Variants in APEH observed in about 807,000 individuals in gnomAD.
APEH encodes the protein acylamino-acid-releasing enzyme.
In APEH, 75 loss-of-function variants were observed where a neutral mutation model predicts 102.7. That is an observed-to-expected ratio of 0.73 (90% CI 0.61 to 0.89). APEH has a LOEUF of 0.89. APEH is among the 40% of genes least tolerant of loss of function. The pLI is 0.00. For missense variants in APEH, 863 were observed against 941.2 expected (o/e 0.92, Z 1.09); for synonymous variants, 344 against 362.7 (o/e 0.95, Z 0.59).
chr3:49,683,900 A>G lies in APEH; in HGVS notation c.*558A>G. 1 of 1,424,232 alleles carries G rather than the reference A, an allele frequency of 7.0e-7. No individual in the cohort carries two copies. 88.2% of individuals were successfully genotyped at this position (1,424,232 alleles called of 1,614,324 possible). A position where few individuals can be genotyped will look rare whatever the true frequency, so the allele number is the denominator to read the frequency against. On this transcript the variant is annotated 3_prime_UTR_variant, in exon 22 of 22. Transcript: ENST00000296456. ...GGCTCAAGCCACCCGAGCCCTAGCA[A>G]GGAGTCACTGACACATTTCCTGGAA... is the stretch of plus-strand genomic sequence containing the variant.
chr3:49,680,227 G>A (rs970364223), intron 13 of APEH: 8 of 376,860 alleles, frequency 2.1e-5, no homozygotes, highest in Middle Eastern at 8.3e-4. Flanking sequence ...CACGCTCCCC[G>A]ACCCCCAACT....
rs771898040 is a variant in APEH at position 49,683,393 on chromosome 3, G to C, written c.*51G>C. ...TCAGCCTGTGCCACACTTCGCTCTT[G>C]AGGAGCTCAACGGTCTGGCAGGGCA... On this transcript the variant is annotated 3_prime_UTR_variant, in exon 22 of 22. Coordinates refer to ENST00000296456, the MANE Select transcript of APEH (RefSeq NM_001640.4). 6.6e-7 allele frequency: 1 copy of C among 1,516,686 alleles called. No individual in the cohort carries two copies. The highest frequency in any genetic ancestry group is 1.7e-5 in the Admixed American group (1 of 59,842). The allele number at this position is 1,516,686 out of a possible 1,614,324, so 94.0% of individuals were successfully genotyped here.
At chr3:49,674,217 G>T (rs2108112722), upstream of APEH, 2 of 736,976 alleles carry the variant, frequency 2.7e-6, no homozygotes, top group East Asian at 5.9e-5. Flanking sequence ...CCCAGGCCGG[G>T]TCCTCTCACC....
chr3:49,675,331 T>C (rs762032932), intron 3 of APEH, 22 bp downstream of exon 3: 1 of 1,612,832 alleles, frequency 6.2e-7, no homozygotes, highest in Non-Finnish European at 8.5e-7. Flanking sequence ...GGAGGAAGCT[T>C]GTGGGCAAGG....
At chr3:49,673,730 G>T (rs971977272), upstream of APEH, among the ~76,000 whole-genome samples, 8 of 152,152 alleles carry the variant, frequency 5.3e-5, no homozygotes, top group African/African-American at 1.7e-4. Context: ...GGACCCGAAG[G>T]AACCCTACAG....
Position 49,676,886 on chromosome 3 carries a change from G to T in APEH, c.878-17G>T. 2 of 1,614,234 alleles carry T rather than the reference G, an allele frequency of 1.2e-6. No homozygotes were observed. The highest frequency in any genetic ancestry group is 1.7e-6 in the Non-Finnish European group (2 of 1,180,044). ...CCCTGCCAGCCTGCGTGATGCTCAT[G>T]TTTCCATCTGGCCCAGAGCTCCTCT... is the stretch of plus-strand genomic sequence containing the variant. On this transcript the variant is annotated splice_polypyrimidine_tract_variant and intron_variant, in intron 9 of 21. Coordinates refer to ENST00000296456, the MANE Select transcript of APEH (RefSeq NM_001640.4).
chr3:49,680,495 AG>A (rs1292862087), intron 13 of APEH, 45 bp from the exon 14 acceptor site: 8 of 1,525,362 alleles, frequency 5.2e-6, no homozygotes, highest in African/African-American at 1.4e-5. Context: ...CAGGTAAGAA[AG>A]GTGATGGCTC....
At chr3:49,678,174 T>C (rs1019143619) in intron 11 of APEH, among the ~76,000 whole-genome samples, 1 of 152,192 alleles carries the variant, frequency 6.6e-6, no homozygotes, top group African/African-American at 2.4e-5. Context: ...TGGATCCTCC[T>C]GGACCATCTC....
intron 21 of APEH, 25 bp downstream of exon 21, chr3:49,683,171 C>A (rs769601632): frequency 6.2e-7 from 1 of 1,611,590 alleles, no homozygotes. Flanking sequence ...AAGGCCCTGG[C>A]AGCTGGTGGG....
Position 49,674,469 on chromosome 3 carries a change from C to T in APEH, c.13-20C>T. On this transcript the variant is annotated intron_variant, in intron 1 of 21. Coordinates refer to ENST00000296456, the MANE Select transcript of APEH (RefSeq NM_001640.4). ...CCTGCAGCCCGGGCCGGGCCTGACC[C>T]TGGTGTGTCCCCTGCGCAGGTGCTG... The T allele has an allele frequency of 1.3e-6, 2 of 1,569,740 alleles. No homozygotes were observed. Among genetic ancestry groups the T allele is most frequent in the Non-Finnish European group, 1.7e-6 (2 of 1,163,994 alleles).
Position 49,679,904 on chromosome 3 carries a change from A to G in APEH, c.1210+260A>G. Reference sequence around the variant, plus strand: ...CCATGTGTCCTGGCCCAGCCTCAGCACGGCCCCCACCTCTGCTCCTAAAAC... The same window carrying G: ...CCATGTGTCCTGGCCCAGCCTCAGCGCGGCCCCCACCTCTGCTCCTAAAAC... On this transcript the variant is annotated intron_variant, in intron 13 of 21. Transcript: ENST00000296456. This position sits in a 1 kb window ranked among gnomAD's most constrained non-coding sequence, Gnocchi z 4.3. The G allele has an allele frequency of 2.4e-6, 1 of 414,862 alleles. No individual in the cohort carries two copies. Among genetic ancestry groups the G allele is most frequent in the Non-Finnish European group, 4.5e-6 (1 of 220,266 alleles). The allele number at this position is 414,862 out of a possible 1,614,324, so 25.7% of individuals were successfully genotyped here. A position where few individuals can be genotyped will look rare whatever the true frequency, so the allele number is the denominator to read the frequency against.
intron 11 of APEH, among the ~76,000 whole-genome samples, chr3:49,678,651 C>T (rs572438735): frequency 1.2e-4 from 18 of 152,288 alleles, no homozygotes; most frequent in African/African-American, 4.1e-4. Context: ...TCTCTGGGTC[C>T]CAAGAGGCCT....
intron 6 of APEH, 49 bp from the exon 7 acceptor site, chr3:49,676,329 A>C: frequency 6.2e-7 from 1 of 1,613,206 alleles, no homozygotes; most frequent in Non-Finnish European, 8.5e-7. Context: ...TTTAGGAAGC[A>C]GAGCAGGTCC....
chr3:49,683,477 T>C lies in APEH; in HGVS notation c.*135T>C. ...TGCGTGGGCAGAGGAATGTGGGCTA[T>C]GTAGTCATAATAAATTAGGACACAG... is the stretch of plus-strand genomic sequence containing the variant. On this transcript the variant is annotated 3_prime_UTR_variant, in exon 22 of 22. Coordinates refer to ENST00000296456, the MANE Select transcript of APEH (RefSeq NM_001640.4). 1.4e-6 allele frequency: 1 copy of C among 735,244 alleles called. No individual in the cohort carries two copies. Among genetic ancestry groups the C allele is most frequent in the Non-Finnish European group, 2.3e-6 (1 of 433,390 alleles). The allele number at this position is 735,244 out of a possible 1,614,324, so 45.5% of individuals were successfully genotyped here.
At position 49,683,037 on chromosome 3, in the gene APEH, C is replaced by G; in HGVS notation, c.1987-3C>G. On this transcript the variant is annotated splice_region_variant and splice_polypyrimidine_tract_variant and intron_variant, in intron 20 of 21. Transcript: ENST00000296456. Reference sequence around the variant, plus strand: ...AGCTCCCCACTCTTCCCCAAACACCCAGGTGAAGACACCACTGTTACTGAT... The same window carrying G: ...AGCTCCCCACTCTTCCCCAAACACCGAGGTGAAGACACCACTGTTACTGAT... The G allele has an allele frequency of 4.3e-6, 7 of 1,613,644 alleles. No homozygotes were observed. Among genetic ancestry groups the G allele is most frequent in the Non-Finnish European group, 5.9e-6 (7 of 1,179,730 alleles).
At chr3:49,675,868 G>A (rs775074740) in intron 4 of APEH, 23 bp from the exon 5 acceptor site, 16 of 1,613,952 alleles carry the variant, frequency 9.9e-6, no homozygotes, top group Non-Finnish European at 1.2e-5. Context: ...CGGGCAAACA[G>A]CCTAATGCCC....
In APEH at chr3:49,683,970, G is replaced by A. The variant is rs1365600319; in HGVS notation, c.*628G>A. 35 of 1,582,774 alleles carry A rather than the reference G, an allele frequency of 2.2e-5. No individual in the cohort carries two copies. Among genetic ancestry groups the A allele is most frequent in the South Asian group, 1.3e-4 (11 of 85,864 alleles). On this transcript the variant is annotated 3_prime_UTR_variant, in exon 22 of 22. Transcript: ENST00000296456. ...TGTACAGGCATAAAGAGGAAACATG[G>A]CTTTATGTCTGACAAGAAGTTTTGT...
At chr3:49,681,046 G>A in intron 14 of APEH, 55 bp from the exon 15 acceptor site, 4 of 1,517,980 alleles carry the variant, frequency 2.6e-6, no homozygotes, top group Middle Eastern at 1.8e-4. Flanking sequence ...GTGGGCAGAA[G>A]GGAAGGGCAG....
intron 14 of APEH, 110 bp downstream of exon 14, chr3:49,680,739 G>A (rs2053280964): frequency 1.0e-5 from 10 of 988,310 alleles, no homozygotes; most frequent in East Asian, 2.6e-5. Context: ...GCATACAGAC[G>A]GGCCAAGACA....
Sources: gnomAD v4.1 joint callset for allele counts (sites outside exome capture counted in the v4.1 genomes callset) on GRCh38, gnomAD v4.1.1 for gene constraint, Gnocchi (gnomAD v3.1) non-coding constraint, MANE v1.5 for transcripts, NCBI Gene and HGNC (gene_info 2026-07-23, HGNC 2026-07-21) for gene names.